The following TOX variants were observed in gnomAD, a reference collection of about 807,000 sequenced individuals.
TOX encodes thymocyte selection-associated high mobility group box protein TOX.
Under a neutral mutation model 53.7 loss-of-function variants are expected in TOX, and 11 were observed. The observed-to-expected ratio is 0.20, with a 90% CI of 0.13 to 0.34. TOX has a LOEUF of 0.34. Ranked by LOEUF, TOX falls within the 10% of genes least tolerant of loss-of-function variation. The pLI is 1.00. For synonymous variants in TOX, 225 were observed against 245.3 expected (o/e 0.92, Z 0.77); for missense variants, 570 against 664.6 (o/e 0.86, Z 1.56).
intron 3 of TOX, among the ~76,000 whole-genome samples, chr8:58,898,822 G>A (rs1811690294): frequency 6.6e-6 from 1 of 152,284 alleles, no homozygotes; most frequent in African/African-American, 2.4e-5. Context: ...GAAATCAGTT[G>A]TATCTCCAAG....
Position 58,873,450 on chromosome 8 carries a change from A to G in TOX, c.412-21645T>C, listed in dbSNP as rs1176799296. Among the ~76,000 whole-genome samples the G allele has an allele frequency of 3.3e-5, 5 of 152,268 alleles. No individual in the cohort carries two copies. The South Asian group carries it at 6.2e-4, about 19-fold the overall frequency. On this transcript the variant is annotated intron_variant, in intron 3 of 8. Coordinates refer to ENST00000361421, the MANE Select transcript of TOX (RefSeq NM_014729.3). ...ATCTGTTGTCCGTACTACAAAGACTACAAGAGCTGGAAACATGGACCCAAA... is the reference window on the plus strand; with the variant it reads ...ATCTGTTGTCCGTACTACAAAGACTGCAAGAGCTGGAAACATGGACCCAAA...
chr8:58,996,924 A>T (rs2129417775), intron 1 of TOX, among the ~76,000 whole-genome samples: 1 of 152,282 alleles, frequency 6.6e-6, no homozygotes, highest in South Asian at 2.1e-4. Context: ...AGCCTCCTCT[A>T]TTGGAGACCT....
intron 1 of TOX, among the ~76,000 whole-genome samples, chr8:59,046,469 G>C (rs929199149): frequency 6.6e-6 from 1 of 152,126 alleles, no homozygotes; most frequent in Non-Finnish European, 1.5e-5. Context: ...TAATAACCTA[G>C]GTGTTAATGA....
chr8:58,909,469 T>A (rs1176831848), intron 3 of TOX, among the ~76,000 whole-genome samples: 1 of 152,192 alleles, frequency 6.6e-6, no homozygotes, highest in Non-Finnish European at 1.5e-5. Context: ...GTGATTTGTA[T>A]GGACATTAAA....
chr8:58,958,815 C>T (rs886352214), intron 2 of TOX, among the ~76,000 whole-genome samples: 1 of 152,164 alleles, frequency 6.6e-6, no homozygotes, highest in Non-Finnish European at 1.5e-5. Context: ...GGCAGTAATC[C>T]TAATGACTTC....
At chr8:59,066,295 G>A (rs572644902) in intron 1 of TOX, among the ~76,000 whole-genome samples, 2 of 152,328 alleles carry the variant, frequency 1.3e-5, no homozygotes, top group Non-Finnish European at 2.9e-5. Flanking sequence ...TGACAAGTAG[G>A]AAGTTTGCTA....
intron 1 of TOX, among the ~76,000 whole-genome samples, chr8:58,987,112 C>G (rs1404523615): frequency 1.3e-5 from 2 of 152,212 alleles, no homozygotes; most frequent in African/African-American, 4.8e-5. Flanking sequence ...CAATGAGACT[C>G]TCCAGTTAGT....
At chr8:59,078,037 ATAT>A (rs1383644167) in intron 1 of TOX, among the ~76,000 whole-genome samples, 2 of 152,310 alleles carry the variant, frequency 1.3e-5, no homozygotes, top group Middle Eastern at 6.8e-3. Context: ...TGGAGGAAAA[ATAT>A]TATCCATACA....
chr8:59,099,556 C>T (rs1037075175), intron 1 of TOX, among the ~76,000 whole-genome samples: 1 of 152,156 alleles, frequency 6.6e-6, no homozygotes, highest in African/African-American at 2.4e-5. Flanking sequence ...AATTTCTGAA[C>T]ATTTGACATT....
intron 1 of TOX, among the ~76,000 whole-genome samples, chr8:59,013,404 CAGAT>C (rs1006689648): frequency 1.7e-5 from 2 of 119,400 alleles, no homozygotes; most frequent in African/African-American, 3.1e-5. Flanking sequence ...TTCCAACTAT[CAGAT>C]AGGCCTTTTT....
At chr8:58,891,332 G>T (rs1811557870) in intron 3 of TOX, among the ~76,000 whole-genome samples, 1 of 152,082 alleles carries the variant, frequency 6.6e-6, no homozygotes, top group Non-Finnish European at 1.5e-5. Flanking sequence ...AAAGAAAAAA[G>T]GGAATAAAAG....
At chr8:58,852,067 T>A (rs1810833740) in intron 3 of TOX, among the ~76,000 whole-genome samples, 1 of 152,000 alleles carries the variant, frequency 6.6e-6, no homozygotes, top group African/African-American at 2.4e-5. Flanking sequence ...TGATTAATTA[T>A]ATTTACAGTC....
At chr8:59,016,701 G>A (rs147219761) in intron 1 of TOX, among the ~76,000 whole-genome samples, 2 of 152,312 alleles carry the variant, frequency 1.3e-5, no homozygotes, top group Non-Finnish European at 2.9e-5. Context: ...TGCAAGCAAT[G>A]TCACAAGGCA....
At chr8:59,037,707 C>T (rs958250135) in intron 1 of TOX, among the ~76,000 whole-genome samples, 1 of 148,364 alleles carries the variant, frequency 6.7e-6, no homozygotes, top group African/African-American at 2.5e-5. Context: ...GGGGCTGAAG[C>T]AGGAGAATTG....
chr8:58,933,579 G>A (rs888040600), intron 3 of TOX, among the ~76,000 whole-genome samples: 2 of 150,808 alleles, frequency 1.3e-5, no homozygotes, highest in African/African-American at 4.9e-5. Context: ...GGGGTGGGGG[G>A]TGCAGTTAAA....
At chr8:59,038,419 G>C (rs1803511946) in intron 1 of TOX, among the ~76,000 whole-genome samples, 1 of 152,094 alleles carries the variant, frequency 6.6e-6, no homozygotes, top group Non-Finnish European at 1.5e-5. Flanking sequence ...TTTGTTCTTT[G>C]CTTGTGATAT....
chr8:58,902,613 A>C (rs13262426), intron 3 of TOX, among the ~76,000 whole-genome samples: 10,418 of 152,288 alleles, frequency 0.068, 479 homozygotes, highest in South Asian at 0.18. Flanking sequence ...GAATCTTATA[A>C]GTTTTCTGGA....
chr8:59,087,480 A>C (rs1489604929), intron 1 of TOX, among the ~76,000 whole-genome samples: 1 of 152,036 alleles, frequency 6.6e-6, no homozygotes, highest in Non-Finnish European at 1.5e-5. Flanking sequence ...ATCACATTTG[A>C]CTCTGGTGTC....
chr8:59,022,685 G>A (rs1814158923), intron 1 of TOX, among the ~76,000 whole-genome samples: 1 of 152,078 alleles, frequency 6.6e-6, no homozygotes, highest in African/African-American at 2.4e-5. Flanking sequence ...AGTGAAGAAA[G>A]GCTCATCTAA....
Sources: gnomAD v4.1 joint callset for allele counts (sites outside exome capture counted in the v4.1 genomes callset) on GRCh38, gnomAD v4.1.1 for gene constraint, MANE v1.5 for transcripts, NCBI Gene and HGNC (gene_info 2026-07-23, HGNC 2026-07-21) for gene names.